RBKS: variants seen among roughly 807,000 people sequenced by gnomAD.
RBKS encodes ribokinase.
RBKS carries 33 observed loss-of-function variants against 33.9 expected under a neutral mutation model. The ratio of observed to expected loss-of-function variants is 0.97; its 90% CI spans 0.74 to 1.30. The LOEUF is 1.30. RBKS is among the 50% of genes most tolerant of loss of function. The probability of loss-of-function intolerance (pLI) is 0.00; values close to 1 mark genes in which losing one functional copy is unlikely to be tolerated. For missense variants in RBKS, 361 were observed against 392.6 expected, an observed-to-expected ratio of 0.92 and a Z score of 0.68; for synonymous variants, 125 against 143.0, an observed-to-expected ratio of 0.87 and a Z score of 0.90.
In RBKS at chr2:27,781,432, C is replaced by G; in HGVS notation, c.*183G>C. ...AATCTTTAATTCTGGTTGTTTTGTG[C>G]AAATGCATGGAAAGCAAAAGAATCA... is the stretch of plus-strand genomic sequence containing the variant. On this transcript the variant is annotated 3_prime_UTR_variant, in exon 8 of 8. Coordinates refer to ENST00000302188, the MANE Select transcript of RBKS (RefSeq NM_022128.3). The G allele has an allele frequency of 1.8e-6, 1 of 554,398 alleles. No homozygotes were observed. The highest frequency in any genetic ancestry group is 3.1e-6 in the Non-Finnish European group (1 of 319,044). 34.3% of individuals were successfully genotyped at this position (554,398 alleles called of 1,614,324 possible).
chr2:27,816,603 GTGTTTTTTTGTTTTTT>G (rs371096987), intron 7 of RBKS, among the ~76,000 whole-genome samples: 8 of 151,342 alleles, frequency 5.3e-5, no homozygotes, highest in African/African-American at 1.7e-4. Flanking sequence ...CTAAGGATAT[GTGTTTTTTTGTTTTTT>G]TGTTTTTTTG....
chr2:27,861,094 A>G (rs537335913), intron 1 of RBKS, among the ~76,000 whole-genome samples: 4 of 152,048 alleles, frequency 2.6e-5, no homozygotes, highest in African/African-American at 7.2e-5. Context: ...CAGCCTCCCA[A>G]GTAGCTGGGA....
chr2:27,808,773 A>G (rs983684152), intron 7 of RBKS, among the ~76,000 whole-genome samples: 2 of 152,246 alleles, frequency 1.3e-5, no homozygotes, highest in African/African-American at 4.8e-5. Context: ...AAATGTAGAT[A>G]TACTGTCTTG....
chr2:27,886,382 G>A (rs1244300745), intron 1 of RBKS, among the ~76,000 whole-genome samples: 2 of 152,168 alleles, frequency 1.3e-5, no homozygotes, highest in East Asian at 3.8e-4. Context: ...GTCCAGGCTA[G>A]TTACAGTTAA....
intron 2 of RBKS, among the ~76,000 whole-genome samples, chr2:27,855,876 T>C (rs1663848633): frequency 6.6e-6 from 1 of 152,208 alleles, no homozygotes; most frequent in African/African-American, 2.4e-5. Flanking sequence ...TAGCAAGAGG[T>C]AAATAAATCT....
At chr2:27,809,897 A>G in intron 7 of RBKS, 1 of 1,295,460 alleles carries the variant, frequency 7.7e-7, no homozygotes, top group Non-Finnish European at 1.0e-6. Context: ...TCATTGCACA[A>G]TGTTGTATTT....
intron 7 of RBKS, among the ~76,000 whole-genome samples, chr2:27,817,566 A>G (rs1678117798): frequency 6.6e-6 from 1 of 152,222 alleles, no homozygotes; most frequent in Admixed American, 6.5e-5. Context: ...TAACTGACTC[A>G]CAGTTCCGCA....
chr2:27,884,985 A>G (rs1011877718), intron 1 of RBKS, among the ~76,000 whole-genome samples: 1 of 151,996 alleles, frequency 6.6e-6, no homozygotes, highest in African/African-American at 2.4e-5. Context: ...TACACTGATG[A>G]CTCTGAAATT....
intron 6 of RBKS, among the ~76,000 whole-genome samples, chr2:27,831,805 C>T (rs1409591933): frequency 6.6e-6 from 1 of 152,086 alleles, no homozygotes; most frequent in Non-Finnish European, 1.5e-5. Flanking sequence ...GTCCCAGCTA[C>T]TTGGGAGGTT....
At chr2:27,825,144 A>T (rs948351134) in intron 7 of RBKS, among the ~76,000 whole-genome samples, 1 of 152,176 alleles carries the variant, frequency 6.6e-6, no homozygotes, top group Admixed American at 6.5e-5. Flanking sequence ...CTCAAAAAAA[A>T]AAAAAAGTCA....
chr2:27,872,322 G>A (rs1664230208), intron 1 of RBKS, among the ~76,000 whole-genome samples: 1 of 151,806 alleles, frequency 6.6e-6, no homozygotes, highest in African/African-American at 2.4e-5. Context: ...ACATTCTCTA[G>A]TAAAAAGAAA....
chr2:27,819,675 T>C (rs1424760566), intron 7 of RBKS, among the ~76,000 whole-genome samples: 1 of 152,226 alleles, frequency 6.6e-6, no homozygotes, highest in African/African-American at 2.4e-5. Context: ...ATTGTGAGAC[T>C]GAGGGTTGAA....
intron 1 of RBKS, among the ~76,000 whole-genome samples, chr2:27,884,479 C>G (rs996283149): frequency 6.6e-6 from 1 of 151,978 alleles, no homozygotes; most frequent in Non-Finnish European, 1.5e-5. Flanking sequence ...CTCCTGAGCT[C>G]AAGCGATCCA....
At chr2:27,861,041 C>T (rs986682126) in intron 1 of RBKS, among the ~76,000 whole-genome samples, 7 of 151,956 alleles carry the variant, frequency 4.6e-5, no homozygotes, top group African/African-American at 1.7e-4. Context: ...GATCTCGGCT[C>T]ACTGCAACCT....
In RBKS at chr2:27,890,251, A is replaced by G. The variant is rs201634958; in HGVS notation, c.89+6T>C. 6.2e-7 allele frequency: 1 copy of G among 1,613,200 alleles called. No individual in the cohort carries two copies. Among genetic ancestry groups the G allele is most frequent in the Non-Finnish European group, 8.5e-7 (1 of 1,179,756 alleles). On this transcript the variant is annotated splice_donor_region_variant and intron_variant, in intron 1 of 7. Transcript: ENST00000302188. This position sits in a 1 kb window ranked among gnomAD's most constrained non-coding sequence, Gnocchi z 4.8. The stretch of plus-strand genomic sequence containing the variant: ...CCGCAGACTGAGTAACTGGCCCCGG[A>G]CTAACCTGACCAGGTCGGTCATGCA...
At chr2:27,783,545 T>TTG (rs1451278833) in intron 7 of RBKS, among the ~76,000 whole-genome samples, 2 of 152,256 alleles carry the variant, frequency 1.3e-5, no homozygotes, top group East Asian at 3.9e-4. Context: ...GACAGAGCAA[T>TTG]ACCTGCTCGT....
intron 7 of RBKS, among the ~76,000 whole-genome samples, chr2:27,822,892 G>A (rs66474522): frequency 0.063 from 9,556 of 152,298 alleles, 648 homozygotes; most frequent in African/African-American, 0.17. Context: ...CTAAATTCTT[G>A]AGAGTGTTAT....
At chr2:27,869,002 GTTA>G (rs1664153295) in intron 1 of RBKS, among the ~76,000 whole-genome samples, 2 of 152,080 alleles carry the variant, frequency 1.3e-5, no homozygotes, top group Admixed American at 1.3e-4. Flanking sequence ...CCATGAGAAA[GTTA>G]TTATTATTTT....
rs35672800 is a variant in RBKS, at chr2:27,825,136, C to CA, written c.795+2430dup. Among the ~76,000 whole-genome samples the CA allele has an allele frequency of 1.2e-3, 163 of 138,616 alleles. 1 individual carries two copies. Among genetic ancestry groups the CA allele is most frequent in the Middle Eastern group, 7.8e-3 (2 of 256 alleles). 90.9% of individuals were successfully genotyped at this position (138,616 alleles called of 152,430 possible). A position where few individuals can be genotyped will look rare whatever the true frequency, so the allele number is the denominator to read the frequency against. On this transcript the variant is annotated intron_variant, in intron 7 of 7. Coordinates refer to ENST00000302188, the MANE Select transcript of RBKS (RefSeq NM_022128.3). ...TAGGCAACAGAGTGAGAACCTGTCT[C>CA]AAAAAAAAAAAAAAGTCAATTTTAG...
Sources: allele counts gnomAD v4.1 joint callset (sites outside exome capture counted in the v4.1 genomes callset), GRCh38; gene constraint gnomAD v4.1.1; non-coding constraint Gnocchi (gnomAD v3.1); transcripts MANE v1.5; gene names NCBI Gene and HGNC (gene_info 2026-07-23, HGNC 2026-07-21).